Variants in FAM149B1 observed in about 807,000 individuals in gnomAD.
The protein encoded by FAM149B1 is primary cilium assembly protein FAM149B1.
Under a neutral mutation model 75.3 loss-of-function variants are expected in FAM149B1, and 56 were observed. The observed-to-expected ratio is 0.74, with a 90% confidence interval of 0.60 to 0.93. FAM149B1 has a LOEUF of 0.93. Among genes scored for constraint, FAM149B1 ranks in the 40% least tolerant of loss-of-function variants. The probability of loss-of-function intolerance (pLI) is 0.00; values close to 1 mark genes in which losing one functional copy is unlikely to be tolerated. For synonymous variants in FAM149B1, 259 were observed against 256.1 expected, an observed-to-expected ratio of 1.01 and a Z score of -0.11; for missense variants, 639 against 708.4, an observed-to-expected ratio of 0.90 and a Z score of 1.11.
chr10:73,180,848 A>C (rs959871466), intron 3 of FAM149B1, among the ~76,000 whole-genome samples: 14 of 151,930 alleles, frequency 9.2e-5, no homozygotes, highest in African/African-American at 3.1e-4. Context: ...AGTAGGTCTT[A>C]TTCATTCTTT....
Position 73,177,979 on chromosome 10 carries a change from A to C in FAM149B1, c.282+4A>C. The C allele has an allele frequency of 6.5e-7, 1 of 1,546,778 alleles. No homozygotes were observed. The highest frequency in any genetic ancestry group is 8.7e-7 in the Non-Finnish European group (1 of 1,145,588). ...GGACTTCTCCTGGGGATATGGTGTG[A>C]GTTATATGTTATCAGTCTGATAGAG... is the stretch of plus-strand genomic sequence containing the variant. On this transcript the variant is annotated splice_donor_region_variant and intron_variant, in intron 3 of 13. Coordinates refer to ENST00000242505, the MANE Select transcript of FAM149B1 (RefSeq NM_173348.2).
rs145758819 is a variant in FAM149B1 at position 73,197,760 on chromosome 10, C to T, written c.542+4167C>T. Among the ~76,000 whole-genome samples, 1,437 of 150,782 alleles carry T rather than the reference C, an allele frequency of 9.5e-3. 11 individuals are homozygous for T. Among genetic ancestry groups the T allele is most frequent in the Non-Finnish European group, 0.016 (1,101 of 67,826 alleles). ...ACTCCAGCCTGGTGACAGAGCGAGA[C>T]TGTCTCAAAAAAAAAAAGAAATTCC... On this transcript the variant is annotated intron_variant, in intron 5 of 13. Coordinates refer to ENST00000242505, the MANE Select transcript of FAM149B1 (RefSeq NM_173348.2).
chr10:73,243,967 G>C lies in FAM149B1; in HGVS notation c.*2948G>C. 1 of 1,551,636 alleles carries C rather than the reference G, an allele frequency of 6.4e-7. No individual in the cohort carries two copies. ...CTCACATGAGACTCAGGGCCACCAGGAAATGCTTAAAATACATACTCTTTC... is the reference window on the plus strand; with the variant it reads ...CTCACATGAGACTCAGGGCCACCAGCAAATGCTTAAAATACATACTCTTTC... On this transcript the variant is annotated 3_prime_UTR_variant, in exon 14 of 14. Coordinates refer to ENST00000242505, the MANE Select transcript of FAM149B1 (RefSeq NM_173348.2).
intron 5 of FAM149B1, among the ~76,000 whole-genome samples, chr10:73,206,886 G>C (rs2043073509): frequency 6.6e-6 from 1 of 152,138 alleles, no homozygotes; most frequent in African/African-American, 2.4e-5. Context: ...CTGCAGTCCA[G>C]CTTGGGTGAT....
At chr10:73,224,459 T>G (rs1429595552) in intron 7 of FAM149B1, among the ~76,000 whole-genome samples, 1 of 151,080 alleles carries the variant, frequency 6.6e-6, no homozygotes, top group Non-Finnish European at 1.5e-5. Context: ...AATAAACAAA[T>G]GATTATTACA....
At chr10:73,213,298 T>C (rs1344415163) in intron 7 of FAM149B1, among the ~76,000 whole-genome samples, 2 of 152,258 alleles carry the variant, frequency 1.3e-5, no homozygotes, top group South Asian at 2.1e-4. Context: ...TATTCTGTTA[T>C]TTCTTTTGCT....
At chr10:73,182,470 C>T (rs1212759348) in intron 3 of FAM149B1, among the ~76,000 whole-genome samples, 1 of 152,186 alleles carries the variant, frequency 6.6e-6, no homozygotes, top group Admixed American at 6.5e-5. Context: ...CCTTGGCCTC[C>T]CAAAGTGTTA....
intron 1 of FAM149B1, 24 bp downstream of exon 1, chr10:73,168,410 C>G (rs1843545114): frequency 6.5e-7 from 1 of 1,548,702 alleles, no homozygotes; most frequent in African/African-American, 1.4e-5. Context: ...TCAGCCACCC[C>G]AGCCGGGGCG....
At chr10:73,180,902 C>T (rs1199125462) in intron 3 of FAM149B1, among the ~76,000 whole-genome samples, 1 of 152,010 alleles carries the variant, frequency 6.6e-6, no homozygotes, top group East Asian at 1.9e-4. Context: ...CCCCAATCCT[C>T]ACCCCCCCAC....
At chr10:73,211,933 A>C (rs7915521) in intron 7 of FAM149B1, among the ~76,000 whole-genome samples, 23,418 of 151,936 alleles carry the variant, frequency 0.15, 2,961 homozygotes, top group African/African-American at 0.32. Flanking sequence ...AATTTTTCAA[A>C]CCTTGCCTCC....
chr10:73,222,481 T>C lies in FAM149B1; in HGVS notation c.899-5579T>C, dbSNP rs145313582. 1.6e-3 allele frequency among the ~76,000 whole-genome samples: 249 copies of C among 152,286 alleles called. 1 individual carries two copies. The highest frequency in any genetic ancestry group is 3.8e-3 in the African/African-American group (158 of 41,546). On this transcript the variant is annotated intron_variant, in intron 7 of 13. Coordinates refer to ENST00000242505, the MANE Select transcript of FAM149B1 (RefSeq NM_173348.2). ...CTCATATGTGCACTGATAGTACATT[T>C]TGAATGCTCAAATGATGCCCCACCC...
intron 5 of FAM149B1, among the ~76,000 whole-genome samples, chr10:73,205,348 A>T (rs937743931): frequency 3.4e-5 from 5 of 147,612 alleles, no homozygotes; most frequent in African/African-American, 1.3e-4. Context: ...ACACACACAC[A>T]CTCTGTCTTT....
chr10:73,189,635 GC>G (rs1420546329), intron 3 of FAM149B1, among the ~76,000 whole-genome samples: 3 of 152,334 alleles, frequency 2.0e-5, no homozygotes, highest in African/African-American at 4.8e-5. Flanking sequence ...AATGAAGGAA[GC>G]CAAACACAAA....
chr10:73,217,699 G>A (rs952979963), intron 7 of FAM149B1, among the ~76,000 whole-genome samples: 2 of 152,174 alleles, frequency 1.3e-5, no homozygotes, highest in African/African-American at 4.8e-5. Context: ...GTGATCATGG[G>A]AATGACATCC....
At chr10:73,218,222 TAA>T (rs975702408) in intron 7 of FAM149B1, among the ~76,000 whole-genome samples, 1 of 152,216 alleles carries the variant, frequency 6.6e-6, no homozygotes, top group Non-Finnish European at 1.5e-5. Flanking sequence ...GTTCCATGAC[TAA>T]GTTTCGAGAC....
At chr10:73,193,704 A>G (rs2042731782) in intron 5 of FAM149B1, 111 bp downstream of exon 5, 1 of 999,608 alleles carries the variant, frequency 1.0e-6, no homozygotes, top group Non-Finnish European at 1.4e-6. Flanking sequence ...AGTATTTAGT[A>G]AAGCATAGCA....
chr10:73,211,935 C>T (rs2043193202), intron 7 of FAM149B1, among the ~76,000 whole-genome samples: 1 of 152,050 alleles, frequency 6.6e-6, no homozygotes, highest in Non-Finnish European at 1.5e-5. Context: ...TTTTTCAAAC[C>T]TTGCCTCCCT....
intron 10 of FAM149B1, among the ~76,000 whole-genome samples, chr10:73,233,583 A>G (rs1227670042): frequency 6.6e-6 from 1 of 152,158 alleles, no homozygotes; most frequent in Non-Finnish European, 1.5e-5. Context: ...AGCTCAAGCA[A>G]TCTGCCTGCC....
At position 73,200,870 on chromosome 10, in the gene FAM149B1, T is replaced by A. The variant is rs1439323363; in HGVS notation, c.542+7277T>A. On this transcript the variant is annotated intron_variant, in intron 5 of 13. Transcript: ENST00000242505. ...AATACAAGGTGCAAGGTGGACTGGC[T>A]GACTGAGAAAATACATGCCAGGGAC... is the stretch of plus-strand genomic sequence containing the variant. The A allele has an allele frequency of 5.9e-6, 3 of 510,632 alleles. No individual in the cohort carries two copies. The African/African-American group carries it at 5.9e-5, about 10-fold the overall frequency. 31.6% of individuals were successfully genotyped at this position (510,632 alleles called of 1,614,324 possible).
Sources: allele counts gnomAD v4.1 joint callset (sites outside exome capture counted in the v4.1 genomes callset), GRCh38; gene constraint gnomAD v4.1.1; transcripts MANE v1.5; gene names NCBI Gene and HGNC (gene_info 2026-07-23, HGNC 2026-07-21).